Variants in ZNF786 observed in about 807,000 individuals in gnomAD.
ZNF786 encodes zinc finger protein 786.
Under a neutral mutation model 63.1 loss-of-function variants are expected in ZNF786, and 56 were observed. That is an observed-to-expected ratio of 0.89 (90% CI 0.72 to 1.11). The LOEUF is 1.11. Among genes scored for constraint, ZNF786 ranks in the 50% least tolerant of loss-of-function variants. ZNF786 has a pLI of 0.00. For synonymous variants in ZNF786, 485 were observed against 406.9 expected (o/e 1.19, Z -2.31); for missense variants, 1,213 against 1,041.8 (o/e 1.16, Z -2.26).
intron 1 of ZNF786, among the ~76,000 whole-genome samples, chr7:149,086,332 T>C (rs1026465790): frequency 1.3e-5 from 2 of 152,110 alleles, no homozygotes; most frequent in Admixed American, 1.3e-4. Context: ...TTGTTCATGA[T>C]GGAAGGTGAA....
At position 149,071,881 on chromosome 7, in the gene ZNF786, C is replaced by T. The variant is rs919567700; in HGVS notation, c.891G>A (p.Gln297=). Residue 297 remains glutamine, a synonymous_variant, in exon 4 of 4, where the codon CAG becomes CAA. Coordinates refer to ENST00000491431, the MANE Select transcript of ZNF786 (RefSeq NM_152411.4). ...GGGAGCGCTTGCCGCATGGGGTGCA[C>T]TGGGCAGGCTTCTCCCCCTGCTGCG... is the stretch of plus-strand genomic sequence containing the variant. The part of the protein sequence containing the change: ...RLPQQGEKPA[Q]CTPCGKRSLP... 18 of 1,601,726 alleles carry T rather than the reference C, an allele frequency of 1.1e-5. No homozygotes were observed. Among genetic ancestry groups the T allele is most frequent in the Admixed American group, 1.7e-5 (1 of 59,760 alleles).
chr7:149,078,624 C>T (rs760653102), intron 2 of ZNF786, among the ~76,000 whole-genome samples: 2 of 151,760 alleles, frequency 1.3e-5, no homozygotes, highest in African/African-American at 2.4e-5. Flanking sequence ...GCGGAGGCTG[C>T]GGTGAGCCGA....
intron 2 of ZNF786, among the ~76,000 whole-genome samples, chr7:149,077,336 GAA>G (rs1563138467): frequency 6.6e-6 from 1 of 152,184 alleles, no homozygotes; most frequent in African/African-American, 2.4e-5. Flanking sequence ...ATTAGATTAA[GAA>G]GATGGGTGGC....
At chr7:149,074,815 CTA>C (rs372272906) in intron 2 of ZNF786, among the ~76,000 whole-genome samples, 41 of 148,358 alleles carry the variant, frequency 2.8e-4, no homozygotes, top group Admixed American at 5.4e-4. Flanking sequence ...ATGGCTAATG[CTA>C]TATATATATA....
chr7:149,079,006 A>G (rs1281054603), intron 2 of ZNF786, among the ~76,000 whole-genome samples: 1 of 152,260 alleles, frequency 6.6e-6, no homozygotes, highest in Non-Finnish European at 1.5e-5. Context: ...TCTAAACTCG[A>G]TAAATCAAGT....
At chr7:149,080,765 G>T in intron 1 of ZNF786, 48 bp from the exon 2 acceptor site, 1 of 1,548,706 alleles carries the variant, frequency 6.5e-7, no homozygotes, top group South Asian at 1.3e-5. Flanking sequence ...GCTTCAAAAT[G>T]ACTCCAGCTC....
Position 149,081,722 on chromosome 7 carries a change from A to G in ZNF786, c.19-1005T>C, listed in dbSNP as rs532309153. On this transcript the variant is annotated intron_variant, in intron 1 of 3. Coordinates refer to ENST00000491431, the MANE Select transcript of ZNF786 (RefSeq NM_152411.4). ...CGGCAAGTTGTATTTCAGTATTTTA[A>G]TTTACATTATAAGGCTGGAAGTCCT... 2.0e-5 allele frequency among the ~76,000 whole-genome samples: 3 copies of G among 152,216 alleles called. No homozygotes were observed. In the East Asian group the frequency reaches 5.8e-4, roughly 29 times the overall value.
At chr7:149,072,726 C>T (rs1008234246) in intron 3 of ZNF786, among the ~76,000 whole-genome samples, 1 of 152,290 alleles carries the variant, frequency 6.6e-6, no homozygotes, top group African/African-American at 2.4e-5. Flanking sequence ...AGTGTAAGCT[C>T]TGGAATCAGT....
chr7:149,073,738 T>C (rs1231959918), intron 3 of ZNF786, among the ~76,000 whole-genome samples: 7 of 68,720 alleles, frequency 1.0e-4, no homozygotes, highest in Non-Finnish European at 1.6e-4. Flanking sequence ...TGTGTGTGTG[T>C]GTGTGTGTGT....
At chr7:149,084,127 G>A (rs961187720) in intron 1 of ZNF786, among the ~76,000 whole-genome samples, 3 of 151,972 alleles carry the variant, frequency 2.0e-5, no homozygotes, top group African/African-American at 7.2e-5. Flanking sequence ...TTGGGAGGCC[G>A]AGGCGGGCAG....
At chr7:149,084,351 C>CAAAAAAAA in intron 1 of ZNF786, among the ~76,000 whole-genome samples, 1 of 62,296 alleles carries the variant, frequency 1.6e-5, no homozygotes, top group Non-Finnish European at 3.5e-5. Flanking sequence ...AACTGCATCC[C>CAAAAAAAA]AAAAAAAAAA....
At position 149,072,423 on chromosome 7, in the gene ZNF786, C is replaced by T; in HGVS notation, c.349G>A (p.Asp117Asn). 2 of 1,607,820 alleles carry T rather than the reference C, an allele frequency of 1.2e-6. No homozygotes were observed. The highest frequency in any genetic ancestry group is 4.5e-5 in the East Asian group (2 of 44,818). ...CCAAAGGAACACTGGCTTTCAGGAT[C>T]TAATTGGAAATGGCTTTTAGTTTTT... is the stretch of plus-strand genomic sequence containing the variant. ...SGKTKSHFQL[D>N]PESQCSFGSF... is the part of the protein sequence containing the mutation. The change falls in exon 4 of 4, where the codon GAT (aspartate) becomes AAT (asparagine). Residue 117 changes from aspartate (D) to asparagine (N), a missense_variant. Asp to Asn is a conservative substitution (Grantham distance 23, BLOSUM62 1). Transcript: ENST00000491431.
At chr7:149,076,233 G>C (rs1359710689) in intron 2 of ZNF786, among the ~76,000 whole-genome samples, 2 of 151,756 alleles carry the variant, frequency 1.3e-5, no homozygotes, top group Admixed American at 1.3e-4. Flanking sequence ...TCCTGCCTCA[G>C]TCTCCCGAGT....
chr7:149,078,680 G>A (rs969377148), intron 2 of ZNF786, among the ~76,000 whole-genome samples: 17 of 150,440 alleles, frequency 1.1e-4, no homozygotes, highest in Middle Eastern at 3.4e-3. Flanking sequence ...GTGAAACTCC[G>A]TCTCAAAAAA....
chr7:149,077,904 C>G (rs953372148), intron 2 of ZNF786, among the ~76,000 whole-genome samples: 10 of 150,892 alleles, frequency 6.6e-5, no homozygotes, highest in African/African-American at 2.4e-4. Flanking sequence ...TCACTGTTGC[C>G]CAGGTTGGAG....
At chr7:149,076,308 T>G (rs1054535460) in intron 2 of ZNF786, among the ~76,000 whole-genome samples, 3 of 151,212 alleles carry the variant, frequency 2.0e-5, no homozygotes, top group African/African-American at 7.3e-5. Flanking sequence ...AGAGACAGGG[T>G]TTCTCCATGT....
intron 2 of ZNF786, among the ~76,000 whole-genome samples, chr7:149,077,743 C>T (rs1052518381): frequency 2.0e-5 from 3 of 152,058 alleles, no homozygotes; most frequent in African/African-American, 7.2e-5. Context: ...CACTTGACCT[C>T]AAGAATTCGA....
chr7:149,087,267 T>A (rs1198427662), intron 1 of ZNF786, among the ~76,000 whole-genome samples: 4 of 152,226 alleles, frequency 2.6e-5, no homozygotes, highest in Non-Finnish European at 4.4e-5. Context: ...TAATCCTTGT[T>A]TTGAAATGTG....
Position 149,072,412 on chromosome 7 carries a change from G to C in ZNF786, c.360C>G (p.Ser120Arg), listed in dbSNP as rs994985753. 7.4e-6 allele frequency: 12 copies of C among 1,611,362 alleles called. No homozygotes were observed. The Admixed American group carries it at 2.0e-4, about 27-fold the overall frequency. The change falls in exon 4 of 4, where the codon AGC becomes AGG. Residue 120 changes from serine to arginine, a missense_variant. Transcript: ENST00000491431. ...AAACAAAGGATCCAAAGGAACACTG[G>C]CTTTCAGGATCTAATTGGAAATGGC... ...TKSHFQLDPESQCSFGSFVSF... is the reference protein window; with the variant it reads ...TKSHFQLDPERQCSFGSFVSF...
Sources: gnomAD v4.1 joint callset for allele counts (sites outside exome capture counted in the v4.1 genomes callset) on GRCh38, gnomAD v4.1.1 for gene constraint, MANE v1.5 for transcripts, NCBI Gene and HGNC (gene_info 2026-07-23, HGNC 2026-07-21) for gene names.